Variants in RARA observed in about 807,000 individuals in gnomAD.
RARA encodes the protein retinoic acid receptor alpha.
Under a neutral mutation model 42.8 loss-of-function variants are expected in RARA, and 5 were observed. The observed-to-expected ratio is 0.12, with a 90% CI of 0.06 to 0.25. The LOEUF (loss-of-function observed/expected upper bound fraction) is 0.25. RARA is among the 10% of genes least tolerant of loss of function. RARA has a pLI of 1.00. For synonymous variants in RARA, 256 were observed against 259.5 expected, an observed-to-expected ratio of 0.99 and a Z score of 0.13; for missense variants, 402 against 628.7, an observed-to-expected ratio of 0.64 and a Z score of 3.86.
intron 1 of RARA, among the ~76,000 whole-genome samples, chr17:40,311,695 C>T (rs942173136): frequency 5.3e-5 from 8 of 152,190 alleles, no homozygotes; most frequent in African/African-American, 1.9e-4. Flanking sequence ...CCTGGGTTTC[C>T]CTGCCTGTGG....
rs762461183 is a variant in RARA at position 40,349,906 on chromosome 17, A to C, written c.450A>C (p.Glu150Asp). The stretch of plus-strand genomic sequence containing the variant: ...ACTGCCGACTGCAGAAGTGCTTTGA[A>C]GTGGGCATGTCCAAGGAGTGTGAGT... Reference protein sequence around the residue: ...CQYCRLQKCFEVGMSKESVRN... With the variant: ...CQYCRLQKCFDVGMSKESVRN... Residue 150 changes from glutamate (E) to aspartate (D), a missense_variant, in exon 4 of 9, where the codon GAA becomes GAC. Glu to Asp is a conservative substitution (Grantham distance 45). This residue lies in a region of RARA where 130 missense variants were observed against 267.9 expected (regional missense o/e 0.49). Coordinates refer to ENST00000254066, the MANE Select transcript of RARA (RefSeq NM_000964.4). 1.2e-6 allele frequency: 2 copies of C among 1,614,190 alleles called. No individual in the cohort carries two copies. Among genetic ancestry groups the C allele is most frequent in the Non-Finnish European group, 1.7e-6 (2 of 1,180,008 alleles).
chr17:40,342,085 C>T, intron 2 of RARA: 1 of 1,051,294 alleles, frequency 9.5e-7, no homozygotes, highest in African/African-American at 1.7e-5. Flanking sequence ...AGGGGCGGTG[C>T]CTGGACGGGG....
intron 6 of RARA, among the ~76,000 whole-genome samples, chr17:40,353,068 G>A (rs2034504991): frequency 6.6e-6 from 1 of 152,206 alleles, no homozygotes; most frequent in Non-Finnish European, 1.5e-5. Flanking sequence ...TGTGATCAAT[G>A]CTTCCTGGAG....
intron 2 of RARA, chr17:40,342,879 C>T (rs764476893): frequency 1.9e-6 from 3 of 1,606,958 alleles, no homozygotes; most frequent in Non-Finnish European, 2.5e-6. Context: ...TACGTACCGG[C>T]CTCTCAGTCT....
Position 40,355,878 on chromosome 17 carries a change from C to A in RARA, c.1172-131C>A. The A allele has an allele frequency of 1.1e-6, 1 of 883,210 alleles. No individual in the cohort carries two copies. The highest frequency in any genetic ancestry group is 1.7e-6 in the Non-Finnish European group (1 of 581,562). The allele number at this position is 883,210 out of a possible 1,614,324, so 54.7% of individuals were successfully genotyped here. ...GGGGCTTAAGAGAGCTGGCTCGTGT[C>A]AAAGAACTGAATCCCAAGAAAGATG... is the stretch of plus-strand genomic sequence containing the variant. On this transcript the variant is annotated intron_variant, in intron 8 of 8. Transcript: ENST00000254066. The surrounding 1 kb of genome is among the most constrained non-coding windows in gnomAD (Gnocchi z 4.1).
chr17:40,338,094 A>G (rs950043286), intron 2 of RARA, among the ~76,000 whole-genome samples: 2 of 152,218 alleles, frequency 1.3e-5, no homozygotes, highest in African/African-American at 4.8e-5. Flanking sequence ...ATCCCAGCAT[A>G]GACGCGGGGA....
chr17:40,341,527 C>T lies in RARA; in HGVS notation c.179-6789C>T, dbSNP rs1009070151. 8.8e-6 allele frequency: 13 copies of T among 1,475,698 alleles called. No homozygotes were observed. The South Asian group carries it at 1.0e-4, about 12-fold the overall frequency. The allele number at this position is 1,475,698 out of a possible 1,614,324, so 91.4% of individuals were successfully genotyped here. On this transcript the variant is annotated intron_variant, in intron 2 of 8. Coordinates refer to ENST00000254066, the MANE Select transcript of RARA (RefSeq NM_000964.4). Reference sequence around the variant, plus strand: ...CCTCCTGCCGCCGCTCTCCGCGTCTCCGGGGGAGGTGGCCCGGTTCGGCCG... The same window carrying T: ...CCTCCTGCCGCCGCTCTCCGCGTCTTCGGGGGAGGTGGCCCGGTTCGGCCG...
At chr17:40,342,828 A>T (rs757833743) in intron 2 of RARA, 2 of 1,612,264 alleles carry the variant, frequency 1.2e-6, no homozygotes, top group Non-Finnish European at 1.7e-6. Flanking sequence ...TCCGTACTCC[A>T]CCCCGCTCCG....
chr17:40,352,055 G>T lies in RARA; in HGVS notation c.615G>T (p.Leu205=). ...AAACCTTCCCTGCCCTCTGCCAGCT[G>T]GGCAAATACACTACGGTATGGCTTT... ...HQETFPALCQ[L]GKYTTNNSSE... is the part of the protein sequence containing the mutation. Residue 205 remains leucine (L), a synonymous_variant, in exon 5 of 9, where the codon CTG becomes CTT. Coordinates refer to ENST00000254066, the MANE Select transcript of RARA (RefSeq NM_000964.4). The surrounding 1 kb of genome is among the most constrained non-coding windows in gnomAD (Gnocchi z 4.9). 6.3e-7 allele frequency: 1 copy of T among 1,576,522 alleles called. No individual in the cohort carries two copies. Among genetic ancestry groups the T allele is most frequent in the East Asian group, 2.3e-5 (1 of 44,144 alleles).
chr17:40,356,599 C>T lies in RARA; in HGVS notation c.*373C>T. ...TTGGCTCCCCCATCCTCAGAACTCACAAGCCATTGCTCCCCAGCTGGGGAA... is the reference window on the plus strand; with the variant it reads ...TTGGCTCCCCCATCCTCAGAACTCATAAGCCATTGCTCCCCAGCTGGGGAA... On this transcript the variant is annotated 3_prime_UTR_variant, in exon 9 of 9. Transcript: ENST00000254066. 2 of 557,902 alleles carry T rather than the reference C, an allele frequency of 3.6e-6. No homozygotes were observed. Among genetic ancestry groups the T allele is most frequent in the East Asian group, 3.8e-5 (1 of 26,498 alleles). 34.6% of individuals were successfully genotyped at this position (557,902 alleles called of 1,614,324 possible).
At chr17:40,313,486 C>T (rs1021141930) in intron 1 of RARA, among the ~76,000 whole-genome samples, 1 of 152,152 alleles carries the variant, frequency 6.6e-6, no homozygotes, top group African/African-American at 2.4e-5. Flanking sequence ...CACAGGCCAC[C>T]ATGCTGCACA....
chr17:40,337,524 G>A (rs1043605058), intron 2 of RARA, among the ~76,000 whole-genome samples: 14 of 151,926 alleles, frequency 9.2e-5, no homozygotes, highest in African/African-American at 2.9e-4. Context: ...AAATCTGCCC[G>A]CTGTAGCCCA....
At chr17:40,328,393 T>C (rs2033600444) in intron 1 of RARA, among the ~76,000 whole-genome samples, 3 of 152,186 alleles carry the variant, frequency 2.0e-5, no homozygotes. Context: ...CCCTGTTTCT[T>C]TTCTTTCTTT....
chr17:40,325,560 C>T (rs919171615), intron 1 of RARA, among the ~76,000 whole-genome samples: 1 of 152,192 alleles, frequency 6.6e-6, no homozygotes, highest in Admixed American at 6.5e-5. Context: ...CTAAATGGTT[C>T]TAGTTTTGAA....
chr17:40,313,850 G>A (rs905905409), intron 1 of RARA, among the ~76,000 whole-genome samples: 1 of 152,092 alleles, frequency 6.6e-6, no homozygotes, highest in Non-Finnish European at 1.5e-5. Flanking sequence ...CTACTGCAGT[G>A]TGTGAGAAAT....
intron 1 of RARA, among the ~76,000 whole-genome samples, chr17:40,321,828 C>A (rs190923866): frequency 9.6e-4 from 146 of 152,308 alleles, no homozygotes; most frequent in Non-Finnish European, 1.7e-3. Context: ...ACTCCACCCC[C>A]CCAACTGGAT....
intron 3 of RARA, 131 bp downstream of exon 3, chr17:40,348,595 C>A: frequency 2.4e-6 from 3 of 1,250,592 alleles, no homozygotes; most frequent in East Asian, 2.9e-5. Context: ...TGGAAGTTGG[C>A]AGCAAGCAGG....
Position 40,356,653 on chromosome 17 carries a change from GAC to G in RARA, c.*429_*430del. The G allele has an allele frequency of 1.9e-6, 1 of 531,070 alleles. No individual in the cohort carries two copies. Among genetic ancestry groups the G allele is most frequent in the Non-Finnish European group, 3.6e-6 (1 of 274,388 alleles). 32.9% of individuals were successfully genotyped at this position (531,070 alleles called of 1,614,324 possible). A position where few individuals can be genotyped will look rare whatever the true frequency, so the allele number is the denominator to read the frequency against. On this transcript the variant is annotated 3_prime_UTR_variant, in exon 9 of 9. Transcript: ENST00000254066. ...CAACCTCCCCCCTGCCTCGGTTGGT[GAC>G]AGAGGGGGTGGGACAGGGGCGGGGG...
At chr17:40,341,025 C>T (rs1381334974) in intron 2 of RARA, 1 of 400,300 alleles carries the variant, frequency 2.5e-6, no homozygotes, top group African/African-American at 2.1e-5. Flanking sequence ...AGAAGAATGT[C>T]CTTGGGTAGC....
Sources: gnomAD v4.1 joint callset for allele counts (sites outside exome capture counted in the v4.1 genomes callset) on GRCh38, gnomAD v4.1.1 for gene constraint, gnomAD v4.1.1 regional missense constraint, Gnocchi (gnomAD v3.1) non-coding constraint, MANE v1.5 for transcripts, NCBI Gene and HGNC (gene_info 2026-07-23, HGNC 2026-07-21) for gene names.